Variants in EDNRA observed in about 807,000 individuals in gnomAD.
EDNRA encodes the protein endothelin-1 receptor.
A neutral mutation model predicts 41.4 loss-of-function variants in EDNRA; 11 were observed. That is an observed-to-expected ratio of 0.27 (90% confidence interval 0.17 to 0.44). The LOEUF (loss-of-function observed/expected upper bound fraction) is 0.44, where lower values mean the gene tolerates loss of function less well. EDNRA is among the 20% of genes least tolerant of loss of function. The probability of loss-of-function intolerance (pLI) is 1.00; values close to 1 mark genes in which losing one functional copy is unlikely to be tolerated. For synonymous variants in EDNRA, 172 were observed against 183.0 expected, an observed-to-expected ratio of 0.94 and a Z score of 0.49; for missense variants, 294 against 531.0, an observed-to-expected ratio of 0.55 and a Z score of 4.39.
intron 2 of EDNRA, chr4:147,491,276 A>T (rs895654916): frequency 2.6e-5 from 4 of 152,218 alleles, no homozygotes; most frequent in Non-Finnish European, 5.9e-5. Context: ...TGGAAATGAG[A>T]GACATCCACA....
intron 3 of EDNRA, among the ~76,000 whole-genome samples, chr4:147,525,211 T>C (rs535695348): frequency 6.6e-6 from 1 of 152,376 alleles, no homozygotes; most frequent in Non-Finnish European, 1.5e-5. Context: ...GCTTTCTCAC[T>C]ATCAGCTTTT....
At chr4:147,491,973 A>G (rs1729153671) in intron 2 of EDNRA, 1 of 152,160 alleles carries the variant, frequency 6.6e-6, no homozygotes. Context: ...TCTATACTCC[A>G]GCTAACCTGG....
In EDNRA at chr4:147,519,614, A is replaced by G. The variant is rs1176923044; in HGVS notation, c.421-237A>G. 1.3e-5 allele frequency among the ~76,000 whole-genome samples: 2 copies of G among 150,598 alleles called. No individual in the cohort carries two copies. Among genetic ancestry groups the G allele is most frequent in the African/African-American group, 4.9e-5 (2 of 41,154 alleles). On this transcript the variant is annotated intron_variant, in intron 2 of 7. Transcript: ENST00000651419. The surrounding 1 kb of genome is among the most constrained non-coding windows in gnomAD (Gnocchi z 4.1). ...ATTAAATATATATCACAATATATTC[A>G]TGTTACTACATATTAATAATAATAA... is the stretch of plus-strand genomic sequence containing the variant.
rs375828454 is a variant in EDNRA, at chr4:147,485,509, C to T, written c.-70-103C>T. The T allele has an allele frequency of 1.4e-5, 11 of 778,928 alleles. No individual in the cohort carries two copies. In the East Asian group the frequency reaches 2.2e-4, roughly 15 times the overall value. The allele number at this position is 778,928 out of a possible 1,614,324, so 48.3% of individuals were successfully genotyped here. A position where few individuals can be genotyped will look rare whatever the true frequency, so the allele number is the denominator to read the frequency against. On this transcript the variant is annotated intron_variant, in intron 1 of 7. Transcript: ENST00000651419. ...GATATACATATATCTTATCTAATCA[C>T]CAAATATATCCTGCATTTTAATTGA...
intron 2 of EDNRA, among the ~76,000 whole-genome samples, chr4:147,518,442 T>C (rs973891778): frequency 6.6e-6 from 1 of 152,122 alleles, no homozygotes; most frequent in Non-Finnish European, 1.5e-5. Flanking sequence ...AGAGGCACTA[T>C]TGGATTAAAG....
At chr4:147,534,560 T>C (rs886812530) in intron 4 of EDNRA, among the ~76,000 whole-genome samples, 7 of 152,202 alleles carry the variant, frequency 4.6e-5, no homozygotes, top group Admixed American at 4.6e-4. Context: ...CATGACTTTT[T>C]CAGTAATAAA....
intron 3 of EDNRA, among the ~76,000 whole-genome samples, chr4:147,528,882 G>T (rs1198864944): frequency 6.6e-6 from 1 of 152,146 alleles, no homozygotes; most frequent in African/African-American, 2.4e-5. Context: ...TCTCACAGGG[G>T]TGGGAAGCCA....
chr4:147,505,646 G>GTTTT (rs70958567), intron 2 of EDNRA, among the ~76,000 whole-genome samples: 7 of 105,232 alleles, frequency 6.7e-5, no homozygotes, highest in Admixed American at 1.0e-4. Flanking sequence ...CCCGCCGGCA[G>GTTTT]TTTTTTTTTT....
At chr4:147,507,216 GA>G (rs34825006) in intron 2 of EDNRA, among the ~76,000 whole-genome samples, 2,867 of 129,230 alleles carry the variant, frequency 0.022, 51 homozygotes, top group African/African-American at 0.077. Flanking sequence ...TTTGAGGGGG[GA>G]AAAAAAAAAA....
chr4:147,542,654 C>G lies in EDNRA; in HGVS notation c.*36C>G. ...AAGCACTCCTCGGTACTCCCATAAT[C>G]CTCTCGGAGAAAAAAATCACAAGGC... On this transcript the variant is annotated 3_prime_UTR_variant, in exon 8 of 8. Transcript: ENST00000651419. 1.9e-6 allele frequency: 3 copies of G among 1,598,388 alleles called. No homozygotes were observed. In the South Asian group the frequency reaches 3.4e-5, roughly 18 times the overall value.
rs74836621 is a variant in EDNRA at position 147,544,356 on chromosome 4, A to T, written c.*1738A>T. 1 of 153,138 alleles carries T rather than the reference A, an allele frequency of 6.5e-6. No individual in the cohort carries two copies. The highest frequency in any genetic ancestry group is 2.4e-5 in the African/African-American group (1 of 41,576). The allele number at this position is 153,138 out of a possible 1,614,324, so 9.5% of individuals were successfully genotyped here. The stretch of plus-strand genomic sequence containing the variant: ...GTTTGATAAAGCAGTATTTGGGGTC[A>T]TATTGTTTCCTGTGCTGGAGCAAAA... On this transcript the variant is annotated 3_prime_UTR_variant, in exon 8 of 8. Transcript: ENST00000651419.
intron 5 of EDNRA, among the ~76,000 whole-genome samples, chr4:147,538,014 A>G (rs570046929): frequency 6.6e-6 from 1 of 152,252 alleles, no homozygotes; most frequent in Non-Finnish European, 1.5e-5. Flanking sequence ...CATAATGATG[A>G]CAGTTTTATC....
intron 2 of EDNRA, among the ~76,000 whole-genome samples, chr4:147,502,847 T>G (rs1335697819): frequency 8.1e-6 from 1 of 123,570 alleles, no homozygotes; most frequent in African/African-American, 3.9e-5. Context: ...TCTTCAAAAA[T>G]ATGTATTTAG....
intron 2 of EDNRA, among the ~76,000 whole-genome samples, chr4:147,497,900 C>T (rs1165461222): frequency 1.3e-5 from 2 of 152,116 alleles, no homozygotes; most frequent in Admixed American, 1.3e-4. Flanking sequence ...CCAAAGAACA[C>T]AAAGATACTA....
At chr4:147,512,920 T>C (rs1481498754) in intron 2 of EDNRA, among the ~76,000 whole-genome samples, 2 of 152,214 alleles carry the variant, frequency 1.3e-5, no homozygotes, top group African/African-American at 4.8e-5. Context: ...TCAATAGTTA[T>C]GGCTCACACT....
Position 147,542,869 on chromosome 4 carries a change from GC to G in EDNRA, c.*252del. The G allele has an allele frequency of 2.7e-6, 1 of 377,342 alleles. No homozygotes were observed. 23.4% of individuals were successfully genotyped at this position (377,342 alleles called of 1,614,324 possible). On this transcript the variant is annotated 3_prime_UTR_variant, in exon 8 of 8. Coordinates refer to ENST00000651419, the MANE Select transcript of EDNRA (RefSeq NM_001957.4). ...TATTCAGCACTAAAAAATGGTGGGA[GC>G]TGGGGGAGAATGAAGACTGTTAAAT...
intron 2 of EDNRA, among the ~76,000 whole-genome samples, chr4:147,516,801 T>G (rs764560936): frequency 6.6e-6 from 1 of 152,220 alleles, no homozygotes; most frequent in Non-Finnish European, 1.5e-5. Flanking sequence ...TTTGCCATGG[T>G]CTAGGATGTA....
At chr4:147,535,802 C>T in intron 4 of EDNRA, 75 bp from the exon 5 acceptor site, 1 of 1,561,976 alleles carries the variant, frequency 6.4e-7, no homozygotes, top group Non-Finnish European at 8.7e-7. Context: ...GACCTTAAAG[C>T]TACCAGAGGC....
chr4:147,540,043 A>G (rs1731046450), intron 6 of EDNRA, 93 bp downstream of exon 6: 3 of 1,486,504 alleles, frequency 2.0e-6, no homozygotes, highest in East Asian at 2.3e-5. Context: ...CATGCCCGTT[A>G]GCCCTGAAAA....
Sources: allele counts gnomAD v4.1 joint callset (sites outside exome capture counted in the v4.1 genomes callset), GRCh38; gene constraint gnomAD v4.1.1; non-coding constraint Gnocchi (gnomAD v3.1); transcripts MANE v1.5; gene names NCBI Gene and HGNC (gene_info 2026-07-23, HGNC 2026-07-21).